Variants in NAALADL1 observed in about 807,000 individuals in gnomAD.
NAALADL1 encodes the protein N-acetylated alpha-linked acidic dipeptidase like 1.
A neutral mutation model predicts 82.8 loss-of-function variants in NAALADL1; 77 were observed. The observed-to-expected ratio is 0.93, with a 90% confidence interval of 0.77 to 1.12. The LOEUF (loss-of-function observed/expected upper bound fraction) is 1.12. Among genes scored for constraint, NAALADL1 ranks in the 50% most tolerant of loss-of-function variants. The pLI is 0.00. For synonymous variants in NAALADL1, 358 were observed against 399.2 expected (o/e 0.90, Z 1.23); for missense variants, 956 against 964.0 (o/e 0.99, Z 0.11).
At chr11:65,049,072 G>A (rs1171448005) in intron 8 of NAALADL1, among the ~76,000 whole-genome samples, 1 of 152,180 alleles carries the variant, frequency 6.6e-6, no homozygotes, top group Non-Finnish European at 1.5e-5. Flanking sequence ...CCAGGTTGGA[G>A]TGCAGTGGTG....
chr11:65,055,911 G>T, intron 4 of NAALADL1, among the ~76,000 whole-genome samples: 2 of 140,488 alleles, frequency 1.4e-5, no homozygotes, highest in Admixed American at 7.3e-5. Context: ...TTGAGATGAG[G>T]TCTTGCTCTT....
Position 65,054,256 on chromosome 11 carries a change from G to A in NAALADL1, c.986C>T (p.Ala329Val), listed in dbSNP as rs1322965840. ...PGFRPDGDFPADSQVNVSVYN... is the reference protein window; with the variant it reads ...PGFRPDGDFPVDSQVNVSVYN... Reference sequence around the variant, plus strand: ...TGGTCTGGCTGCATCTCACCTGTCTGCTGGGAAGTCTCCGTCAGGCCGGAA... The same window carrying A: ...TGGTCTGGCTGCATCTCACCTGTCTACTGGGAAGTCTCCGTCAGGCCGGAA... Residue 329 changes from alanine (A) to valine (V), a missense_variant, in exon 6 of 18, where the codon GCA (alanine) becomes GTA (valine). By Grantham distance (64) the Ala-to-Val change is moderately conservative. Coordinates refer to ENST00000358658, the MANE Select transcript of NAALADL1 (RefSeq NM_005468.3). This position sits in a 1 kb window ranked among gnomAD's most constrained non-coding sequence, Gnocchi z 4.3. 1 of 1,613,878 alleles carries A rather than the reference G, an allele frequency of 6.2e-7. No individual in the cohort carries two copies.
At position 65,054,102 on chromosome 11, in the gene NAALADL1, T is replaced by G; in HGVS notation, c.992+148A>C. On this transcript the variant is annotated intron_variant, in intron 6 of 17. Transcript: ENST00000358658. The surrounding 1 kb of genome is among the most constrained non-coding windows in gnomAD (Gnocchi z 4.3). ...GGGCTTCCCCAAAAACAAGACATAT[T>G]TTGGGGTCAGGAGAGGGTCTGGGAG... 3.0e-6 allele frequency: 2 copies of G among 672,110 alleles called. No homozygotes were observed. The highest frequency in any genetic ancestry group is 2.5e-6 in the Non-Finnish European group (1 of 402,638). The allele number at this position is 672,110 out of a possible 1,614,324, so 41.6% of individuals were successfully genotyped here.
Position 65,048,042 on chromosome 11 carries a change from G to A in NAALADL1, c.1355C>T (p.Ala452Val), listed in dbSNP as rs1946784468. 6.2e-7 allele frequency: 1 copy of A among 1,613,900 alleles called. No individual in the cohort carries two copies. The highest frequency in any genetic ancestry group is 8.5e-7 in the Non-Finnish European group (1 of 1,179,982). ...INVDISVFAN[A>V]TLRVQGTPPV... ...GGGCGTCCCCTGCACCCTAAGGGTA[G>A]CGTTGGCTGTGGGAGGAGGGGAGAA... is the stretch of plus-strand genomic sequence containing the variant. The change falls in exon 11 of 18, where the codon GCT becomes GTT. Residue 452 changes from alanine to valine, a missense_variant. Ala to Val is a moderately conservative substitution (Grantham distance 64). Transcript: ENST00000358658.
At chr11:65,046,604 G>T in intron 13 of NAALADL1, 78 bp from the exon 14 acceptor site, 1 of 1,404,880 alleles carries the variant, frequency 7.1e-7, no homozygotes, top group Non-Finnish European at 1.0e-6. Flanking sequence ...GCTGCAAAAT[G>T]TGGGCATTAT....
intron 1 of NAALADL1, 25 bp from the exon 2 acceptor site, chr11:65,058,275 C>T (rs1455210216): frequency 6.2e-7 from 1 of 1,613,470 alleles, no homozygotes; most frequent in Non-Finnish European, 8.5e-7. Context: ...GAGGGAGGGG[C>T]AGGGCCAGCA....
chr11:65,050,689 C>A (rs1946862901), intron 8 of NAALADL1, among the ~76,000 whole-genome samples: 1 of 151,172 alleles, frequency 6.6e-6, no homozygotes. Flanking sequence ...ACTCAGGAGG[C>A]TGAGGCAGGA....
rs749155834 is a variant in NAALADL1 at position 65,048,186 on chromosome 11, C to G, written c.1314G>C (p.Thr438=). The G allele has an allele frequency of 1.9e-6, 3 of 1,613,940 alleles. No homozygotes were observed. The highest frequency in any genetic ancestry group is 3.3e-5 in the Admixed American group (2 of 59,992). ...EEFFNKLQER[T]VAYINVDISV... ...AGATGTCCACGTTGATGTAGGCCAC[C>G]GTGCGCTCCTGCAGCTTGTTGAAGA... Residue 438 remains threonine, a synonymous_variant, in exon 10 of 18, where the codon ACG becomes ACC. Coordinates refer to ENST00000358658, the MANE Select transcript of NAALADL1 (RefSeq NM_005468.3).
At position 65,046,258 on chromosome 11, in the gene NAALADL1, G is replaced by A; in HGVS notation, c.1786C>T (p.Leu596Phe). 1 of 1,614,146 alleles carries A rather than the reference G, an allele frequency of 6.2e-7. No homozygotes were observed. Among genetic ancestry groups the A allele is most frequent in the East Asian group, 2.2e-5 (1 of 44,894 alleles). The stretch of plus-strand genomic sequence containing the variant: ...TGGGCTGCCTGCAGGAAGCTGCGGA[G>A]TGTCTCACTGTAGTCACTGACTTTG... ...PLKVSDYSET[L>F]RSFLQAAQQD... Residue 596 changes from leucine to phenylalanine, a missense_variant, in exon 15 of 18, where the codon CTC (leucine) becomes TTC (phenylalanine). Coordinates refer to ENST00000358658, the MANE Select transcript of NAALADL1 (RefSeq NM_005468.3).
chr11:65,045,211 T>G lies in NAALADL1; in HGVS notation c.*60A>C. 1 of 1,558,668 alleles carries G rather than the reference T, an allele frequency of 6.4e-7. No individual in the cohort carries two copies. The highest frequency in any genetic ancestry group is 1.2e-5 in the South Asian group (1 of 83,454). ...TGGCACCAAGGAAGACCAGGACATC[T>G]CAGGAAAGCAGGCAGGAGAGGGTTG... On this transcript the variant is annotated 3_prime_UTR_variant, in exon 18 of 18. Coordinates refer to ENST00000358658, the MANE Select transcript of NAALADL1 (RefSeq NM_005468.3).
intron 13 of NAALADL1, 43 bp from the exon 14 acceptor site, chr11:65,046,569 G>A: frequency 1.3e-6 from 2 of 1,589,250 alleles, no homozygotes; most frequent in East Asian, 2.2e-5. Context: ...GGGATGGGAA[G>A]TGGGAGAAGG....
At chr11:65,058,572 T>C (rs989966851), upstream of NAALADL1, 2 of 1,466,738 alleles carry the variant, frequency 1.4e-6, no homozygotes, top group Non-Finnish European at 1.8e-6. Context: ...GGTTATTCCC[T>C]ATAGAGGGGG....
intron 2 of NAALADL1, 40 bp from the exon 3 acceptor site, chr11:65,058,036 C>G: frequency 6.2e-7 from 1 of 1,613,264 alleles, no homozygotes; most frequent in Non-Finnish European, 8.5e-7. Context: ...GGCCCAGCAG[C>G]TCCCCACCCC....
intron 2 of NAALADL1, 21 bp from the exon 3 acceptor site, chr11:65,058,017 T>G (rs747930604): frequency 5.0e-6 from 8 of 1,613,928 alleles, no homozygotes; most frequent in Non-Finnish European, 8.5e-7. Context: ...GGTGGCAGTA[T>G]CATGGCTGGG....
At chr11:65,048,513 G>T in intron 8 of NAALADL1, 128 bp from the exon 9 acceptor site, 6 of 989,726 alleles carry the variant, frequency 6.1e-6, no homozygotes, top group Non-Finnish European at 9.1e-6. Flanking sequence ...GGATGTCCTG[G>T]CACCCTGCAG....
Position 65,047,575 on chromosome 11 carries a change from G to T in NAALADL1, c.1509-10C>A. 1 of 1,573,434 alleles carries T rather than the reference G, an allele frequency of 6.4e-7. No individual in the cohort carries two copies. Among genetic ancestry groups the T allele is most frequent in the Non-Finnish European group, 8.6e-7 (1 of 1,159,730 alleles). On this transcript the variant is annotated splice_polypyrimidine_tract_variant and intron_variant, in intron 12 of 17. Transcript: ENST00000358658. ...ACCCAGAGAACCCAAGCTGCGGGAA[G>T]GAAGGGGGCCGGGATAAAGAGCGCT...
At chr11:65,047,940 G>GC in intron 11 of NAALADL1, 41 bp downstream of exon 11, 1 of 506,790 alleles carries the variant, frequency 2.0e-6, no homozygotes. Context: ...CACGCGGCCC[G>GC]CCCCAGCTAG....
chr11:65,047,914 G>GATC, intron 11 of NAALADL1, 67 bp downstream of exon 11: 1 of 566,398 alleles, frequency 1.8e-6, no homozygotes, highest in Non-Finnish European at 2.9e-6. Flanking sequence ...CCCACCCGTA[G>GATC]CGGCCCCGTC....
In NAALADL1 at chr11:65,047,641, G is replaced by T; in HGVS notation, c.1508+6C>A. ...GCTCCGGGCCCCCTTCTGTCCCTGG[G>T]CTTACCTGGGGACCAGGCCGTACAC... On this transcript the variant is annotated splice_donor_region_variant and intron_variant, in intron 12 of 17. Transcript: ENST00000358658. 6.2e-7 allele frequency: 1 copy of T among 1,600,342 alleles called. No homozygotes were observed. Among genetic ancestry groups the T allele is most frequent in the Non-Finnish European group, 8.5e-7 (1 of 1,174,704 alleles).
Sources: allele counts gnomAD v4.1 joint callset (sites outside exome capture counted in the v4.1 genomes callset), GRCh38; gene constraint gnomAD v4.1.1; non-coding constraint Gnocchi (gnomAD v3.1); transcripts MANE v1.5; gene names NCBI Gene and HGNC (gene_info 2026-07-23, HGNC 2026-07-21).